Variants in NRN1 observed in about 807,000 individuals in gnomAD.
The protein encoded by NRN1 is neuritin.
A neutral mutation model predicts 15.0 loss-of-function variants in NRN1; 4 were observed. The observed-to-expected ratio is 0.27, with a 90% CI of 0.13 to 0.61. The LOEUF is 0.61. NRN1 is among the 20% of genes least tolerant of loss of function. NRN1 has a pLI of 0.87. For missense variants in NRN1, 134 were observed against 181.9 expected (o/e 0.74, Z 1.51); for synonymous variants, 85 against 79.8 (o/e 1.07, Z -0.35).
At chr6:6,005,312 A>G (rs1758079366) in intron 1 of NRN1, among the ~76,000 whole-genome samples, 2 of 152,248 alleles carry the variant, frequency 1.3e-5, no homozygotes, top group African/African-American at 2.4e-5. Context: ...TGCTGCCATT[A>G]GAAATATTAT....
intron 1 of NRN1, among the ~76,000 whole-genome samples, chr6:6,004,919 G>A (rs755304115): frequency 7.9e-6 from 1 of 125,964 alleles, no homozygotes; most frequent in Non-Finnish European, 1.7e-5. Flanking sequence ...CTACCTCCCC[G>A]CCCCTCCCAA....
chr6:6,003,298 G>C (rs1292304541), intron 1 of NRN1: 1 of 1,221,762 alleles, frequency 8.2e-7, no homozygotes, highest in East Asian at 3.2e-5. Flanking sequence ...GCCAGAGGCC[G>C]GGCGGGGTCA....
chr6:6,001,920 C>A (rs1757957280), intron 2 of NRN1, among the ~76,000 whole-genome samples: 1 of 152,242 alleles, frequency 6.6e-6, no homozygotes, highest in Non-Finnish European at 1.5e-5. Context: ...TCCAAACTAA[C>A]TGTTCTTCAG....
chr6:6,000,194 T>C (rs1162273164), intron 2 of NRN1, among the ~76,000 whole-genome samples: 1 of 152,222 alleles, frequency 6.6e-6, no homozygotes. Flanking sequence ...CCCCACCCTC[T>C]GTCCTCCTCT....
chr6:6,003,300 G>A, intron 1 of NRN1: 2 of 1,218,952 alleles, frequency 1.6e-6, no homozygotes, highest in African/African-American at 1.6e-5. Context: ...CAGAGGCCGG[G>A]CGGGGTCACG....
At chr6:6,002,732 T>C in intron 1 of NRN1, 1 of 565,554 alleles carries the variant, frequency 1.8e-6, no homozygotes, top group South Asian at 2.1e-5. Flanking sequence ...CAGGTGTGGG[T>C]GGGTGGGAGG....
chr6:6,003,587 GGGA>G (rs3838670), intron 1 of NRN1: 148,580 of 589,616 alleles, frequency 0.25, 21,263 homozygotes, highest in East Asian at 0.44. Context: ...GCTGAGCGGC[GGGA>G]GGAGGAGGAG....
At chr6:6,003,005 C>A in intron 1 of NRN1, 1 of 425,362 alleles carries the variant, frequency 2.4e-6, no homozygotes, top group South Asian at 1.2e-4. Context: ...CGTGGGGTCA[C>A]GCAGCTGAAC....
At chr6:6,002,262 G>C (rs373892298) in intron 2 of NRN1, 91 bp downstream of exon 2, 43 of 1,497,482 alleles carry the variant, frequency 2.9e-5, no homozygotes, top group Non-Finnish European at 3.9e-5. Flanking sequence ...CGCTGGCGCT[G>C]AACGCTGAGC....
In NRN1 at chr6:6,003,731, C is replaced by T. The variant is rs946494573; in HGVS notation, c.56-1234G>A. On this transcript the variant is annotated intron_variant, in intron 1 of 2. Coordinates refer to ENST00000244766, the MANE Select transcript of NRN1 (RefSeq NM_016588.3). ...GCTGCGGGCGCGCGGCTGTGGCCATCTCTTTCCGCCCTGAGGCCGACGAAC... is the reference window on the plus strand; with the variant it reads ...GCTGCGGGCGCGCGGCTGTGGCCATTTCTTTCCGCCCTGAGGCCGACGAAC... 3 of 1,234,220 alleles carry T rather than the reference C, an allele frequency of 2.4e-6. No individual in the cohort carries two copies. In the African/African-American group the frequency reaches 4.7e-5, roughly 19 times the overall value. The allele number at this position is 1,234,220 out of a possible 1,614,324, so 76.5% of individuals were successfully genotyped here.
chr6:6,003,880 C>T, intron 1 of NRN1: 2 of 1,231,348 alleles, frequency 1.6e-6, no homozygotes, highest in Non-Finnish European at 2.0e-6. Flanking sequence ...CACTGGCGCC[C>T]ACGACCCTGG....
rs942812206 is a variant in NRN1, at chr6:6,002,245, G to A, written c.200+108C>T. On this transcript the variant is annotated intron_variant, in intron 2 of 2. Coordinates refer to ENST00000244766, the MANE Select transcript of NRN1 (RefSeq NM_016588.3). ...CCAGAAGGCAAGAGTGAGCCGATGC[G>A]GATTCGCGCTGGCGCTGAACGCTGA... 2.9e-6 allele frequency: 4 copies of A among 1,401,360 alleles called. No individual in the cohort carries two copies. The East Asian group carries it at 9.2e-5, about 32-fold the overall frequency. The allele number at this position is 1,401,360 out of a possible 1,614,324, so 86.8% of individuals were successfully genotyped here.
Position 5,998,732 on chromosome 6 carries a change from G to A in NRN1, c.*244C>T, listed in dbSNP as rs913930340. 2.3e-6 allele frequency: 1 copy of A among 434,530 alleles called. No homozygotes were observed. The highest frequency in any genetic ancestry group is 4.1e-6 in the Non-Finnish European group (1 of 245,318). The allele number at this position is 434,530 out of a possible 1,614,324, so 26.9% of individuals were successfully genotyped here. ...CGTTTTCTTATTTGTGTGTGAAGAC[G>A]GACTAAAGCTGAGGTCCGATTTTGG... On this transcript the variant is annotated 3_prime_UTR_variant, in exon 3 of 3. Transcript: ENST00000244766.
In NRN1 at chr6:5,999,194, C is replaced by G. The variant is rs760401318; in HGVS notation, c.211G>C (p.Asp71His). Residue 71 changes from aspartate (D) to histidine (H), a missense_variant, in exon 3 of 3, where the codon GAT becomes CAT. Asp to His is a moderately conservative substitution (Grantham distance 81). Transcript: ENST00000244766. ...GCTGTGACCGTGCAGCTGTGGAAAT[C>G]CTCCCAGTATCTGGTGAGGAACAGA... ...NIKTVCTYWE[D>H]FHSCTVTALT... is the part of the protein sequence containing the mutation. The G allele has an allele frequency of 6.2e-7, 1 of 1,613,484 alleles. No individual in the cohort carries two copies. Among genetic ancestry groups the G allele is most frequent in the Admixed American group, 1.7e-5 (1 of 60,034 alleles).
intron 1 of NRN1, 87 bp downstream of exon 1, chr6:6,006,608 G>A: frequency 3.0e-6 from 4 of 1,335,278 alleles, no homozygotes; most frequent in Non-Finnish European, 3.2e-6. Context: ...TGGGGCGGCC[G>A]CGGACCCGCT....
chr6:6,000,096 C>T (rs1196625156), intron 2 of NRN1, among the ~76,000 whole-genome samples: 1 of 152,216 alleles, frequency 6.6e-6, no homozygotes, highest in African/African-American at 2.4e-5. Context: ...GGGGCTTCCT[C>T]CCCACAGCTT....
At chr6:5,999,320 C>T (rs1248678110) in intron 2 of NRN1, 116 bp from the exon 3 acceptor site, 3 of 803,456 alleles carry the variant, frequency 3.7e-6, no homozygotes, top group Non-Finnish European at 6.1e-6. Flanking sequence ...CCGGGGTGTC[C>T]CCTCCCTACC....
chr6:6,003,969 T>TC (rs1561904616), intron 1 of NRN1: 1 of 1,219,876 alleles, frequency 8.2e-7, no homozygotes, highest in Admixed American at 4.3e-5. Context: ...GACACCTCAA[T>TC]CCCCCGGCCC....
rs1022283092 is a variant in NRN1 at position 6,002,517 on chromosome 6, C to G, written c.56-20G>C. 8 of 1,606,608 alleles carry G rather than the reference C, an allele frequency of 5.0e-6. No individual in the cohort carries two copies. The highest frequency in any genetic ancestry group is 6.8e-6 in the Non-Finnish European group (8 of 1,175,360). ...GATACGCTGCGGGGAGGAGGGAACACCGGTCAGCAGCGCCACGACCCCGCC... is the reference window on the plus strand; with the variant it reads ...GATACGCTGCGGGGAGGAGGGAACAGCGGTCAGCAGCGCCACGACCCCGCC... On this transcript the variant is annotated intron_variant, in intron 1 of 2. Transcript: ENST00000244766.
Sources: gnomAD v4.1 joint callset for allele counts (sites outside exome capture counted in the v4.1 genomes callset) on GRCh38, gnomAD v4.1.1 for gene constraint, MANE v1.5 for transcripts, NCBI Gene and HGNC (gene_info 2026-07-23, HGNC 2026-07-21) for gene names.